CAST: variants seen among roughly 807,000 people sequenced by gnomAD.
The protein encoded by CAST is MIR583 host.
A neutral mutation model predicts 119.6 loss-of-function variants in CAST; 76 were observed. The ratio of observed to expected loss-of-function variants is 0.64; its 90% CI spans 0.53 to 0.77. CAST has a LOEUF of 0.77. CAST is among the 30% of genes least tolerant of loss of function. The pLI is 0.00. For missense variants in CAST, 953 were observed against 946.5 expected, an observed-to-expected ratio of 1.01 and a Z score of -0.09; for synonymous variants, 319 against 331.6, an observed-to-expected ratio of 0.96 and a Z score of 0.41.
chr5:96,563,643 ATTAC>A lies in CAST; in HGVS notation c.60+33767_60+33770del, dbSNP rs1746421226. Among the ~76,000 whole-genome samples the A allele has an allele frequency of 4.3e-5, 5 of 117,640 alleles. No individual in the cohort carries two copies. In the South Asian group the frequency reaches 1.3e-3, roughly 30 times the overall value. The allele number at this position is 117,640 out of a possible 152,430, so 77.2% of individuals were successfully genotyped here. ...TTGAATTTTATACCATATTACATGT[ATTAC>A]TTATAAAAAAAAAGCATTCTTTATT... On this transcript the variant is annotated intron_variant, in intron 1 of 11. Transcript: ENST00000505143.
intron 1 of CAST, among the ~76,000 whole-genome samples, chr5:96,666,465 T>C (rs1749356494): frequency 1.3e-5 from 2 of 152,228 alleles, no homozygotes; most frequent in Non-Finnish European, 2.9e-5. Context: ...GACAGCATGA[T>C]CAAGGAGCCC....
At chr5:96,651,384 C>A (rs1344971274) in intron 1 of CAST, among the ~76,000 whole-genome samples, 1 of 152,192 alleles carries the variant, frequency 6.6e-6, no homozygotes, top group Non-Finnish European at 1.5e-5. Flanking sequence ...TCAGTCAATG[C>A]TGGTTTTTTA....
At chr5:96,183,068 G>GGCGGAGCTT in the CAST span, among the ~76,000 whole-genome samples, 6 of 151,890 alleles carry the variant, frequency 4.0e-5, no homozygotes, top group Admixed American at 3.3e-4. Flanking sequence ...GAACCCGGGA[G>GGCGGAGCTT]GCGGAGCTTG....
the CAST span, among the ~76,000 whole-genome samples, chr5:96,015,330 G>A: frequency 1.7e-4 from 26 of 152,122 alleles, no homozygotes; most frequent in African/African-American, 6.0e-4. Flanking sequence ...GGGCACCAAA[G>A]AATTTCTACT....
chr5:96,414,137 TA>T, the CAST span, among the ~76,000 whole-genome samples: 2,404 of 124,674 alleles, frequency 0.019, 19 homozygotes, highest in Non-Finnish European at 0.023. Context: ...AGACTCTGTC[TA>T]AAAAAAAAAA....
the CAST span, among the ~76,000 whole-genome samples, chr5:96,470,872 T>C: frequency 6.6e-6 from 1 of 152,062 alleles, no homozygotes; most frequent in Non-Finnish European, 1.5e-5. Context: ...CATAATATTT[T>C]TAAGTACTAT....
At chr5:96,468,498 G>T in the CAST span, among the ~76,000 whole-genome samples, 1 of 151,756 alleles carries the variant, frequency 6.6e-6, no homozygotes, top group Non-Finnish European at 1.5e-5. Flanking sequence ...TTAGCCTTAG[G>T]TGTGTCTATC....
chr5:96,767,883 T>A, intron 28 of CAST, 24 bp from the exon 29 acceptor site: 1 of 1,510,826 alleles, frequency 6.6e-7, no homozygotes, highest in Non-Finnish European at 9.2e-7. Flanking sequence ...TCTTCACTGA[T>A]GGTTATTTCT....
the CAST span, among the ~76,000 whole-genome samples, chr5:96,509,231 G>A: frequency 6.6e-6 from 1 of 152,194 alleles, no homozygotes; most frequent in African/African-American, 2.4e-5. Context: ...ATAGCCAAGA[G>A]GGCTACAATC....
chr5:96,480,545 C>T, the CAST span, among the ~76,000 whole-genome samples: 5 of 152,112 alleles, frequency 3.3e-5, no homozygotes, highest in African/African-American at 7.2e-5. Context: ...AAATTACTGA[C>T]ACTTAATAGA....
At chr5:96,500,299 C>T in the CAST span, among the ~76,000 whole-genome samples, 7 of 152,256 alleles carry the variant, frequency 4.6e-5, no homozygotes, top group East Asian at 1.2e-3. Context: ...GCAATATCTG[C>T]GAAGCACATT....
the CAST span, among the ~76,000 whole-genome samples, chr5:96,255,194 C>T: frequency 6.6e-6 from 1 of 152,024 alleles, no homozygotes; most frequent in Non-Finnish European, 1.5e-5. Flanking sequence ...CCAGCCAGGG[C>T]TGTTGGGTTG....
the CAST span, among the ~76,000 whole-genome samples, chr5:96,456,038 A>G: frequency 6.6e-6 from 1 of 152,206 alleles, no homozygotes; most frequent in African/African-American, 2.4e-5. Context: ...AGGGCTGGGT[A>G]TAACATGACA....
At chr5:96,155,732 C>T in the CAST span, among the ~76,000 whole-genome samples, 1 of 152,188 alleles carries the variant, frequency 6.6e-6, no homozygotes, top group Admixed American at 6.5e-5. Flanking sequence ...CTCACCTCTC[C>T]TCTCCCTTCT....
At chr5:96,548,740 C>T (rs1353065079) in intron 1 of CAST, among the ~76,000 whole-genome samples, 2 of 152,186 alleles carry the variant, frequency 1.3e-5, no homozygotes, top group African/African-American at 4.8e-5. Flanking sequence ...ATAAAGGGAG[C>T]ATCTTCTGGG....
the CAST span, among the ~76,000 whole-genome samples, chr5:96,004,067 C>T: frequency 1.3e-5 from 2 of 152,126 alleles, 1 homozygote; most frequent in East Asian, 3.9e-4. Flanking sequence ...CTTTGCATAT[C>T]GAAGACCAGT....
chr5:96,373,369 T>C, the CAST span, among the ~76,000 whole-genome samples: 1 of 152,216 alleles, frequency 6.6e-6, no homozygotes, highest in Admixed American at 6.5e-5. Flanking sequence ...TCTGTAGCAA[T>C]GTGTTATTTT....
chr5:96,521,521 A>G (rs1428668706), upstream of CAST, among the ~76,000 whole-genome samples: 1 of 152,158 alleles, frequency 6.6e-6, no homozygotes, highest in East Asian at 1.9e-4. Flanking sequence ...ACCAAACTCA[A>G]AGATCACATA....
chr5:96,236,154 T>C, the CAST span, among the ~76,000 whole-genome samples: 1 of 152,144 alleles, frequency 6.6e-6, no homozygotes, highest in Non-Finnish European at 1.5e-5. Context: ...TCCATCCATC[T>C]ATCTACCTAT....
Sources: gnomAD v4.1 joint callset for allele counts (sites outside exome capture counted in the v4.1 genomes callset) on GRCh38, gnomAD v4.1.1 for gene constraint, MANE v1.5 for transcripts, NCBI Gene and HGNC (gene_info 2026-07-23, HGNC 2026-07-21) for gene names.